Variants in EYA1 observed in about 807,000 individuals in gnomAD.
EYA1 encodes the protein protein phosphatase EYA1.
A neutral mutation model predicts 82.0 loss-of-function variants in EYA1; 16 were observed. That is an observed-to-expected ratio of 0.20 (90% CI 0.13 to 0.30). EYA1 has a LOEUF of 0.30. Among genes scored for constraint, EYA1 ranks in the 10% least tolerant of loss-of-function variants. The probability of loss-of-function intolerance (pLI) is 1.00; values close to 1 mark genes in which losing one functional copy is unlikely to be tolerated. For synonymous variants in EYA1, 261 were observed against 264.4 expected (o/e 0.99, Z 0.12); for missense variants, 633 against 730.7 (o/e 0.87, Z 1.54).
chr8:71,402,701 T>C (rs1223935088), intron 2 of EYA1, among the ~76,000 whole-genome samples: 1 of 152,130 alleles, frequency 6.6e-6, no homozygotes, highest in East Asian at 1.9e-4. Flanking sequence ...TCACAGATAA[T>C]ACAAGTTATT....
intron 6 of EYA1, among the ~76,000 whole-genome samples, chr8:71,318,503 G>A (rs1371071463): frequency 6.6e-6 from 1 of 152,070 alleles, no homozygotes; most frequent in East Asian, 1.9e-4. Context: ...CAAACACCAG[G>A]CTAACATCGT....
At chr8:71,241,490 T>C (rs1053592250) in intron 12 of EYA1, among the ~76,000 whole-genome samples, 1 of 152,174 alleles carries the variant, frequency 6.6e-6, no homozygotes, top group Non-Finnish European at 1.5e-5. Flanking sequence ...CTAGTCAGAA[T>C]GTCTTATTAA....
intron 7 of EYA1, among the ~76,000 whole-genome samples, chr8:71,312,307 G>A (rs1821426000): frequency 6.6e-6 from 1 of 152,162 alleles, no homozygotes; most frequent in South Asian, 2.1e-4. Context: ...TGTAATTTAG[G>A]TGTATGTACA....
intron 9 of EYA1, among the ~76,000 whole-genome samples, chr8:71,279,814 C>T (rs1173239881): frequency 6.6e-6 from 1 of 152,126 alleles, no homozygotes; most frequent in African/African-American, 2.4e-5. Flanking sequence ...ACTAACTTAC[C>T]AACACTATAA....
chr8:71,270,273 T>G (rs899148860), intron 10 of EYA1: 1 of 162,576 alleles, frequency 6.2e-6, no homozygotes, highest in African/African-American at 2.4e-5. Flanking sequence ...AGCCAAGTAT[T>G]AAAATTGCAT....
At chr8:71,334,057 T>A in intron 4 of EYA1, 40 bp downstream of exon 4, 1 of 1,385,520 alleles carries the variant, frequency 7.2e-7, no homozygotes, top group Non-Finnish European at 1.0e-6. Context: ...CTAGAAAAAA[T>A]GCTTGGTGTT....
chr8:71,358,674 T>C (rs1827118033), intron 1 of EYA1, among the ~76,000 whole-genome samples: 1 of 152,180 alleles, frequency 6.6e-6, no homozygotes, highest in Non-Finnish European at 1.5e-5. Context: ...TAGTTTTTTA[T>C]GTGTAGTACA....
chr8:71,543,951 C>G (rs1815352814), intron 1 of EYA1, among the ~76,000 whole-genome samples: 1 of 152,188 alleles, frequency 6.6e-6, no homozygotes, highest in Non-Finnish European at 1.5e-5. Context: ...GCAGTTCCCT[C>G]ATTTCCTGGA....
chr8:71,295,165 G>A (rs1819465250), intron 9 of EYA1, among the ~76,000 whole-genome samples: 2 of 152,054 alleles, frequency 1.3e-5, no homozygotes, highest in Non-Finnish European at 2.9e-5. Context: ...AATCTAGATG[G>A]CCTTGGTTTT....
Position 71,269,732 on chromosome 8 carries a change from G to T in EYA1, c.1050+8C>A. Reference sequence around the variant, plus strand: ...AGAAATTAAAAACTGATGCCTCTTGGTACTCACCCTCCCATATCTGTTGGC... The same window carrying T: ...AGAAATTAAAAACTGATGCCTCTTGTTACTCACCCTCCCATATCTGTTGGC... On this transcript the variant is annotated splice_region_variant and intron_variant, in intron 11 of 17. Coordinates refer to ENST00000340726, the MANE Select transcript of EYA1 (RefSeq NM_000503.6). 6.2e-7 allele frequency: 1 copy of T among 1,608,576 alleles called. No homozygotes were observed. Among genetic ancestry groups the T allele is most frequent in the Non-Finnish European group, 8.5e-7 (1 of 1,175,240 alleles).
chr8:71,202,219 A>G (rs1457812154), intron 17 of EYA1, among the ~76,000 whole-genome samples: 3 of 151,046 alleles, frequency 2.0e-5, no homozygotes, highest in Non-Finnish European at 4.4e-5. Flanking sequence ...GAAGAATGCC[A>G]TGACTCTCAG....
rs1259751238 is a variant in EYA1 at position 71,360,223 on chromosome 8, A to AAAAC, written c.-55+1423_-55+1424insGTTT. Among the ~76,000 whole-genome samples, 5 of 152,362 alleles carry AAAAC rather than the reference A, an allele frequency of 3.3e-5. 1 individual carries two copies. Among genetic ancestry groups the AAAAC allele is most frequent in the East Asian group, 3.9e-4 (2 of 5,190 alleles). On this transcript the variant is annotated intron_variant, in intron 1 of 17. Coordinates refer to ENST00000340726, the MANE Select transcript of EYA1 (RefSeq NM_000503.6). Reference sequence around the variant, plus strand: ...ACAAAATAGAGTCCGCATGAAAACAAAAATAAGTATTTAAACCACATGGAT... The same window carrying AAAAC: ...ACAAAATAGAGTCCGCATGAAAACAAAAACAAATAAGTATTTAAACCACATGGAT...
intron 2 of EYA1, among the ~76,000 whole-genome samples, chr8:71,522,647 A>T (rs1471261487): frequency 7.1e-6 from 1 of 141,322 alleles, no homozygotes; most frequent in East Asian, 2.0e-4. Flanking sequence ...TTGAGACAGG[A>T]TCTCTCTGTC....
At chr8:71,546,252 A>G (rs1815562214) in intron 1 of EYA1, among the ~76,000 whole-genome samples, 1 of 152,188 alleles carries the variant, frequency 6.6e-6, no homozygotes, top group Admixed American at 6.5e-5. Context: ...ACAATTGTCC[A>G]TCAGACTGCT....
At chr8:71,301,796 T>C (rs961222751) in intron 7 of EYA1, among the ~76,000 whole-genome samples, 8 of 152,154 alleles carry the variant, frequency 5.3e-5, no homozygotes, top group Non-Finnish European at 8.8e-5. Flanking sequence ...ATGTGGTAAT[T>C]ACATGCAAAG....
chr8:71,454,197 G>C (rs912798521), intron 2 of EYA1, among the ~76,000 whole-genome samples: 9 of 152,108 alleles, frequency 5.9e-5, no homozygotes, highest in African/African-American at 2.2e-4. Flanking sequence ...ATGGTAATGG[G>C]ATCAATTCAA....
intron 2 of EYA1, among the ~76,000 whole-genome samples, chr8:71,474,292 TC>T (rs1809480228): frequency 6.6e-6 from 1 of 151,764 alleles, no homozygotes; most frequent in African/African-American, 2.4e-5. Context: ...CAATGGACTT[TC>T]CCTAGTGGCT....
chr8:71,384,787 A>T (rs915215284), intron 2 of EYA1, among the ~76,000 whole-genome samples: 2 of 152,210 alleles, frequency 1.3e-5, no homozygotes, highest in African/African-American at 2.4e-5. Context: ...TTTTAGGAAA[A>T]TCGTTACATT....
intron 2 of EYA1, among the ~76,000 whole-genome samples, chr8:71,413,083 G>A (rs150469480): frequency 3.0e-4 from 46 of 152,346 alleles, no homozygotes; most frequent in African/African-American, 1.1e-3. Flanking sequence ...TGTATGGAGT[G>A]AGAGGAGGGT....
Sources: gnomAD v4.1 joint callset for allele counts (sites outside exome capture counted in the v4.1 genomes callset) on GRCh38, gnomAD v4.1.1 for gene constraint, MANE v1.5 for transcripts, NCBI Gene and HGNC (gene_info 2026-07-23, HGNC 2026-07-21) for gene names.